Variants in TAF1 observed in about 807,000 individuals in gnomAD.
TAF1 encodes TATA-box binding protein associated factor 1, also known as transcription initiation factor TFIID subunit 1.
In TAF1, 2 loss-of-function variants were observed where a neutral mutation model predicts 138.5. That is an observed-to-expected ratio of 0.01 (90% confidence interval 0.01 to 0.05). The LOEUF (loss-of-function observed/expected upper bound fraction) is 0.05. Ranked by LOEUF, TAF1 falls within the 10% of genes least tolerant of loss-of-function variation. The pLI, the probability that TAF1 is intolerant of heterozygous loss-of-function variation, is 1.00. For missense variants in TAF1, 709 were observed against 1,478.0 expected (o/e 0.48, Z 8.53); for synonymous variants, 437 against 503.2 (o/e 0.87, Z 1.76).
intron 13 of TAF1, among the ~76,000 whole-genome samples, chrX:71,479,436 G>T (rs1454549324): frequency 9.0e-6 from 1 of 111,527 alleles, no homozygotes; most frequent in Non-Finnish European, 1.9e-5. Flanking sequence ...GCCGGGCGTG[G>T]TGGCGCATGC....
At chrX:71,433,428 C>T (rs1009996735) in intron 32 of TAF1, among the ~76,000 whole-genome samples, 2 of 111,349 alleles carry the variant, frequency 1.8e-5, no homozygotes, top group African/African-American at 6.5e-5. Context: ...CTCAAGTGTC[C>T]TGCAGGGGCC....
intron 26 of TAF1, 63 bp from the exon 27 acceptor site, chrX:71,407,511 C>A: frequency 9.5e-7 from 1 of 1,056,756 alleles, no homozygotes; most frequent in Non-Finnish European, 1.3e-6. Context: ...AGCTACTGTG[C>A]CTGGACAGAA....
chrX:71,486,958 T>C (rs1217386618), intron 13 of TAF1, among the ~76,000 whole-genome samples: 1 of 110,514 alleles, frequency 9.0e-6, no homozygotes, highest in Non-Finnish European at 1.9e-5. Flanking sequence ...GTTTATCTCC[T>C]CTCTAATCTT....
At chrX:71,437,649 CAAA>C (rs769364946) in intron 32 of TAF1, among the ~76,000 whole-genome samples, 4 of 61,235 alleles carry the variant, frequency 6.5e-5, no homozygotes, top group Admixed American at 2.0e-4. Flanking sequence ...ACTCTGTCTC[CAAA>C]AAAAAAAAAA....
In TAF1 at chrX:71,381,821, G is replaced by A. The variant is rs756449021; in HGVS notation, c.1439G>A (p.Arg480His). Residue 480 changes from arginine to histidine, a missense_variant, in exon 9 of 38, where the codon CGC becomes CAC. Transcript: ENST00000423759. ...GACAATGAGGATCTGGTATATGGAC[G>A]CTGGGAGGACAATATCATTTGGGAT... ...PIDNEDLVYG[R>H]WEDNIIWDAQ... 8.1e-5 allele frequency: 97 copies of A among 1,203,070 alleles called. 1 individual carries two copies. The highest frequency in any genetic ancestry group is 1.0e-4 in the Non-Finnish European group (93 of 891,563).
intron 28 of TAF1, among the ~76,000 whole-genome samples, chrX:71,411,102 G>A (rs781532020): frequency 1.7e-3 from 193 of 110,932 alleles, no homozygotes; most frequent in African/African-American, 5.8e-3. Flanking sequence ...TTTTGAAGCA[G>A]TCTCACTCTG....
At chrX:71,426,000 C>T (rs1428859124) in intron 32 of TAF1, among the ~76,000 whole-genome samples, 1 of 109,805 alleles carries the variant, frequency 9.1e-6, no homozygotes, top group Non-Finnish European at 1.9e-5. Context: ...TAGCTCACAC[C>T]TGTGATCCTA....
rs1256735579 is a variant in TAF1, at chrX:71,465,045, T to C, written c.*999T>C. 1 of 109,404 alleles carries C rather than the reference T, an allele frequency of 9.1e-6. No homozygotes were observed. 9.0% of individuals were successfully genotyped at this position (109,404 alleles called of 1,213,427 possible). A position where few individuals can be genotyped will look rare whatever the true frequency, so the allele number is the denominator to read the frequency against. The stretch of plus-strand genomic sequence containing the variant: ...GCAAAGACTGTGTCTTCTGTTTCTT[T>C]TCATGCTTAGGATATGGTTCTGTGC... On this transcript the variant is annotated 3_prime_UTR_variant, in exon 38 of 38. Transcript: ENST00000423759.
chrX:71,486,313 G>A (rs2039170494), intron 13 of TAF1, among the ~76,000 whole-genome samples: 1 of 110,927 alleles, frequency 9.0e-6, no homozygotes, highest in Non-Finnish European at 1.9e-5. Flanking sequence ...GCCTCCCAAA[G>A]TGCTGGGATT....
At position 71,463,983 on chromosome X, in the gene TAF1, C is replaced by T. The variant is rs1223812371; in HGVS notation, c.5559C>T (p.Asp1853=). The change falls in exon 38 of 38, where the codon GAC becomes GAT. Residue 1853 remains aspartate (D), a synonymous_variant. Coordinates refer to ENST00000423759, the MANE Select transcript of TAF1 (RefSeq NM_004606.5). ...TAAGCCAGGTCCACCTGTCAGAGGA[C>T]GAGGAGGACAGTGAGGATTTCCACT... ...SVLSQVHLSE[D]EEDSEDFHSI... is the part of the protein sequence containing the mutation. The T allele has an allele frequency of 5.0e-6, 6 of 1,201,031 alleles. No individual in the cohort carries two copies. The highest frequency in any genetic ancestry group is 2.2e-5 in the Admixed American group (1 of 44,517).
rs778451295 is a variant in TAF1, at chrX:71,368,258, C to T, written c.352+88C>T. ...GGGCTCTGGTTTCTATACCCGCTGT[C>T]TGCCATTGTTTCTGCTCTCTATGCC... On this transcript the variant is annotated intron_variant, in intron 3 of 37. Transcript: ENST00000423759. The T allele has an allele frequency of 1.2e-4, 113 of 953,553 alleles. No homozygotes were observed. In the African/African-American group the frequency reaches 2.1e-3, roughly 18 times the overall value. The allele number at this position is 953,553 out of a possible 1,213,427, so 78.6% of individuals were successfully genotyped here.
Position 71,389,579 on chromosome X carries a change from T to C in TAF1, c.2701-6T>C. The stretch of plus-strand genomic sequence containing the variant: ...CTGATTTATGCATGGATCTGTCCTC[T>C]TCCAGGATGCTGGCTATGGTGAGAA... On this transcript the variant is annotated splice_region_variant and splice_polypyrimidine_tract_variant and intron_variant, in intron 17 of 37. Transcript: ENST00000423759. 1 of 1,199,818 alleles carries C rather than the reference T, an allele frequency of 8.3e-7. No individual in the cohort carries two copies. The highest frequency in any genetic ancestry group is 1.1e-6 in the Non-Finnish European group (1 of 890,982).
chrX:71,367,950 C>T, intron 2 of TAF1, 104 bp from the exon 3 acceptor site: 6 of 891,987 alleles, frequency 6.7e-6, no homozygotes, highest in South Asian at 2.2e-5. Flanking sequence ...GGATTACAGG[C>T]GTGAGCCACC....
chrX:71,421,349 G>A lies in TAF1; in HGVS notation c.4425G>A (p.Leu1475=). The A allele has an allele frequency of 8.6e-7, 1 of 1,162,582 alleles. No individual in the cohort carries two copies. The highest frequency in any genetic ancestry group is 1.2e-6 in the Non-Finnish European group (1 of 864,989). ...HSLTQISQSM[L]DLCDEKLKEK... ...TGACTCAGATCTCTCAATCCATGCTGGATCTCTGTGATGAAAAACTCAAAG... is the reference window on the plus strand; with the variant it reads ...TGACTCAGATCTCTCAATCCATGCTAGATCTCTGTGATGAAAAACTCAAAG... Residue 1475 remains leucine (L), a synonymous_variant, in exon 29 of 38, where the codon CTG becomes CTA. Transcript: ENST00000423759.
In TAF1 at chrX:71,465,771, A is replaced by G. The variant is rs1351028008; in HGVS notation, c.*1725A>G. Reference sequence around the variant, plus strand: ...ACATATGTGATCGCATTTTTGTAAAAGAACCATGTGTGTTTATATGTGTTT... The same window carrying G: ...ACATATGTGATCGCATTTTTGTAAAGGAACCATGTGTGTTTATATGTGTTT... On this transcript the variant is annotated 3_prime_UTR_variant, in exon 38 of 38. Transcript: ENST00000423759. 1 of 112,036 alleles carries G rather than the reference A, an allele frequency of 8.9e-6. No homozygotes were observed. Among genetic ancestry groups the G allele is most frequent in the African/African-American group, 3.2e-5 (1 of 30,858 alleles). 9.2% of individuals were successfully genotyped at this position (112,036 alleles called of 1,213,427 possible). A position where few individuals can be genotyped will look rare whatever the true frequency, so the allele number is the denominator to read the frequency against.
intron 24 of TAF1, among the ~76,000 whole-genome samples, chrX:71,399,101 A>G (rs2035015729): frequency 9.2e-6 from 1 of 109,013 alleles, no homozygotes; most frequent in African/African-American, 3.4e-5. Flanking sequence ...CACCACACCC[A>G]GATAATTTTT....
At chrX:71,453,761 G>A (rs756778405) in intron 32 of TAF1, among the ~76,000 whole-genome samples, 1 of 109,560 alleles carries the variant, frequency 9.1e-6, no homozygotes, top group South Asian at 4.0e-4. Context: ...CCCAGCACTT[G>A]GGGAGGCTGA....
Position 71,524,748 on chromosome X carries a change from C to T in TAF1, c.1367-3794C>T, listed in dbSNP as rs192128627. ...ACGAGGTCAGGAATTCAAGACCAGC[C>T]TGGCCAACATGGTGAAACCCCATCT... On this transcript the variant is annotated intron_variant and NMD_transcript_variant, in intron 13 of 14. Coordinates refer to the TAF1 transcript ENST00000373775. Among the ~76,000 whole-genome samples, 893 of 109,448 alleles carry T rather than the reference C, an allele frequency of 8.2e-3. 10 individuals are homozygous for T. The highest frequency in any genetic ancestry group is 0.022 in the African/African-American group (667 of 30,093).
chrX:71,384,217 T>C, intron 13 of TAF1, 82 bp downstream of exon 13: 1 of 1,079,094 alleles, frequency 9.3e-7, no homozygotes, highest in Middle Eastern at 2.6e-4. Context: ...AACTTTTTGT[T>C]ATTAACATAG....
Sources: allele counts gnomAD v4.1 joint callset (sites outside exome capture counted in the v4.1 genomes callset), GRCh38; gene constraint gnomAD v4.1.1; transcripts MANE v1.5; gene names NCBI Gene and HGNC (gene_info 2026-07-23, HGNC 2026-07-21).